ZNF154: variants seen among roughly 807,000 people sequenced by gnomAD.
ZNF154 encodes the protein zinc finger protein 154 (pHZ-92).
Under a neutral mutation model 7.5 loss-of-function variants are expected in ZNF154, and 6 were observed. The ratio of observed to expected loss-of-function variants is 0.80; its 90% CI spans 0.44 to 1.57. The LOEUF (loss-of-function observed/expected upper bound fraction) is 1.57. ZNF154 is among the 40% of genes most tolerant of loss of function. The probability of loss-of-function intolerance (pLI) is 0.01; values close to 1 mark genes in which losing one functional copy is unlikely to be tolerated. For missense variants in ZNF154, 485 were observed against 531.4 expected, an observed-to-expected ratio of 0.91 and a Z score of 0.86; for synonymous variants, 187 against 185.9, an observed-to-expected ratio of 1.01 and a Z score of -0.05.
rs34169428 is a variant in ZNF154 at position 57,702,374 on chromosome 19, C to T, written c.575G>A (p.Arg192Gln). The T allele has an allele frequency of 6.2e-4, 1,006 of 1,612,740 alleles. 7 individuals carry two copies. In the African/African-American group the frequency reaches 0.011, roughly 18 times the overall value. ...TTGCCTAAAGGACTTCCCACACTCT[C>T]GACATTCATAAGGCTTTTCTCCAGT... is the stretch of plus-strand genomic sequence containing the variant. ...LHTGEKPYEC[R>Q]ECGKSFRQSS... Residue 192 changes from arginine (R) to glutamine (Q), a missense_variant, in exon 3 of 3, where the codon CGA becomes CAA. Coordinates refer to ENST00000684351, the MANE Select transcript of ZNF154 (RefSeq NM_001085384.3).
rs1015625555 is a variant in ZNF154 at position 57,700,436 on chromosome 19, C to G, written c.*1199G>C. 4 of 152,228 alleles carry G rather than the reference C, an allele frequency of 2.6e-5. No homozygotes were observed. The highest frequency in any genetic ancestry group is 5.9e-5 in the Non-Finnish European group (4 of 68,048). 9.4% of individuals were successfully genotyped at this position (152,228 alleles called of 1,614,324 possible). A position where few individuals can be genotyped will look rare whatever the true frequency, so the allele number is the denominator to read the frequency against. On this transcript the variant is annotated 3_prime_UTR_variant, in exon 3 of 3. Coordinates refer to ENST00000684351, the MANE Select transcript of ZNF154 (RefSeq NM_001085384.3). ...GCCATAATAACGAACATCATGGAAA[C>G]CTCTGTAAAAGGGGCACATTCTATT...
chr19:57,705,854 G>T (rs1344033021), intron 1 of ZNF154, among the ~76,000 whole-genome samples: 1 of 152,106 alleles, frequency 6.6e-6, no homozygotes, highest in Non-Finnish European at 1.5e-5. Flanking sequence ...GTCACATGGG[G>T]GTCTAGTCCA....
At position 57,707,523 on chromosome 19, in the gene ZNF154, C is replaced by T. The variant is rs78273589; in HGVS notation, c.33+1416G>A. Reference sequence around the variant, plus strand: ...TACCCTGGACTGGCTGTAGCTTCCACTCTGATCTTCTTTCCTCTTCCCTCA... The same window carrying T: ...TACCCTGGACTGGCTGTAGCTTCCATTCTGATCTTCTTTCCTCTTCCCTCA... On this transcript the variant is annotated intron_variant, in intron 1 of 2. Coordinates refer to ENST00000684351, the MANE Select transcript of ZNF154 (RefSeq NM_001085384.3). Among the ~76,000 whole-genome samples the T allele has an allele frequency of 4.7e-3, 711 of 152,304 alleles. 5 individuals are homozygous for T. Among genetic ancestry groups the T allele is most frequent in the African/African-American group, 0.015 (642 of 41,570 alleles).
At position 57,699,215 on chromosome 19, in the gene ZNF154, G is replaced by C. The variant is rs1235787720; in HGVS notation, c.*2420C>G. The C allele has an allele frequency of 6.5e-6, 1 of 153,450 alleles. No homozygotes were observed. Among genetic ancestry groups the C allele is most frequent in the East Asian group, 1.9e-4 (1 of 5,276 alleles). 9.5% of individuals were successfully genotyped at this position (153,450 alleles called of 1,614,324 possible). A position where few individuals can be genotyped will look rare whatever the true frequency, so the allele number is the denominator to read the frequency against. On this transcript the variant is annotated 3_prime_UTR_variant, in exon 3 of 3. Coordinates refer to ENST00000684351, the MANE Select transcript of ZNF154 (RefSeq NM_001085384.3). ...TGATTCTCCTGCCTCAGCCTCCCAA[G>C]TAGCTGGGACTACAGGCACATGCCA...
chr19:57,704,105 C>T (rs1464701711), intron 2 of ZNF154, among the ~76,000 whole-genome samples: 1 of 152,110 alleles, frequency 6.6e-6, no homozygotes, highest in African/African-American at 2.4e-5. Context: ...AGATAAGATA[C>T]GGAGTCCAGA....
intron 1 of ZNF154, among the ~76,000 whole-genome samples, chr19:57,706,974 G>A (rs1235532457): frequency 2.0e-5 from 3 of 152,124 alleles, no homozygotes; most frequent in African/African-American, 4.8e-5. Flanking sequence ...TTAGCCGGGC[G>A]TGGTGGCGCA....
chr19:57,702,211 C>G lies in ZNF154; in HGVS notation c.738G>C (p.Glu246Asp). Residue 246 changes from glutamate to aspartate, a missense_variant, in exon 3 of 3, where the codon GAG becomes GAC. By Grantham distance (45) the Glu-to-Asp change is conservative. Coordinates refer to ENST00000684351, the MANE Select transcript of ZNF154 (RefSeq NM_001085384.3). ...TAAAGGATTTCCCACATTCACTGCACTCATATGGCCTTTCCCCAGTGTGAA... is the reference window on the plus strand; with the variant it reads ...TAAAGGATTTCCCACATTCACTGCAGTCATATGGCCTTTCCCCAGTGTGAA... ...RRVHTGERPY[E>D]CSECGKSFSQ... 9 of 1,614,002 alleles carry G rather than the reference C, an allele frequency of 5.6e-6. No homozygotes were observed. Among genetic ancestry groups the G allele is most frequent in the Non-Finnish European group, 7.6e-6 (9 of 1,179,996 alleles).
chr19:57,696,459 C>T lies in ZNF154; in HGVS notation c.*5176G>A, dbSNP rs1984899590. ...GATCCCAGAGAGTACTGTGAGCACT[C>T]CTATTCCACAAACATAAAACTGAGG... is the stretch of plus-strand genomic sequence containing the variant. On this transcript the variant is annotated 3_prime_UTR_variant, in exon 3 of 3. Transcript: ENST00000684351. Among the ~76,000 whole-genome samples, 1 of 152,158 alleles carries T rather than the reference C, an allele frequency of 6.6e-6. No individual in the cohort carries two copies. Among genetic ancestry groups the T allele is most frequent in the African/African-American group, 2.4e-5 (1 of 41,428 alleles).
chr19:57,704,840 A>G lies in ZNF154; in HGVS notation c.160+13T>C. 1 of 1,609,054 alleles carries G rather than the reference A, an allele frequency of 6.2e-7. No homozygotes were observed. ...ACTAGCTCAGGGCACAGGAAAGGGT[A>G]AAAGAACCTTACCTAGAGAGGTTAA... On this transcript the variant is annotated intron_variant, in intron 2 of 2. Transcript: ENST00000684351.
At chr19:57,707,194 C>T (rs944467273) in intron 1 of ZNF154, among the ~76,000 whole-genome samples, 3 of 151,696 alleles carry the variant, frequency 2.0e-5, no homozygotes, top group Admixed American at 1.3e-4. Flanking sequence ...ATGACCACCA[C>T]ATTTTGGATG....
chr19:57,709,086 C>T lies in ZNF154; in HGVS notation c.-115G>A, dbSNP rs1985525585. 5 of 1,428,168 alleles carry T rather than the reference C, an allele frequency of 3.5e-6. No homozygotes were observed. Among genetic ancestry groups the T allele is most frequent in the Admixed American group, 2.0e-5 (1 of 49,504 alleles). The allele number at this position is 1,428,168 out of a possible 1,614,324, so 88.5% of individuals were successfully genotyped here. On this transcript the variant is annotated 5_prime_UTR_variant, in exon 1 of 3. Coordinates refer to ENST00000684351, the MANE Select transcript of ZNF154 (RefSeq NM_001085384.3). ...GTCCCCCAGGGCGGCGTCGCCAAGG[C>T]TTAGACGCTTTCGTGCAGGAGGGAC...
chr19:57,702,016 G>C lies in ZNF154; in HGVS notation c.933C>G (p.Ser311Arg). The part of the protein sequence containing the change: ...YECSECGKSF[S>R]QNSSLIEHHR... ...GGTGTTCAATGAGGCTAGAGTTTTGGCTAAATGACTTCCCACATTCGCTGC... is the reference window on the plus strand; with the variant it reads ...GGTGTTCAATGAGGCTAGAGTTTTGCCTAAATGACTTCCCACATTCGCTGC... Residue 311 changes from serine (S) to arginine (R), a missense_variant, in exon 3 of 3, where the codon AGC becomes AGG. Ser to Arg is a moderately radical substitution (Grantham distance 110). Transcript: ENST00000684351. 1 of 1,613,496 alleles carries C rather than the reference G, an allele frequency of 6.2e-7. No homozygotes were observed. The highest frequency in any genetic ancestry group is 8.5e-7 in the Non-Finnish European group (1 of 1,179,952).
chr19:57,702,339 G>C lies in ZNF154; in HGVS notation c.610C>G (p.Leu204Val). ...CGKSFRQSSS[L>V]IQHRRVHTAV... ...GTGTGAACTCTCCGGTGCTGAATGA[G>C]ACTAGAGCTTTGCCTAAAGGACTTC... The change falls in exon 3 of 3, where the codon CTC becomes GTC. Residue 204 changes from leucine (L) to valine (V), a missense_variant. Physicochemically the swap from Leu to Val is conservative, Grantham distance 32. Coordinates refer to ENST00000684351, the MANE Select transcript of ZNF154 (RefSeq NM_001085384.3). 1 of 1,612,904 alleles carries C rather than the reference G, an allele frequency of 6.2e-7. No individual in the cohort carries two copies. Among genetic ancestry groups the C allele is most frequent in the Non-Finnish European group, 8.5e-7 (1 of 1,178,986 alleles).
In ZNF154 at chr19:57,701,672, G is replaced by C; in HGVS notation, c.1277C>G (p.Ser426Cys). The change falls in exon 3 of 3, where the codon TCC becomes TGC. Residue 426 changes from serine to cysteine, a missense_variant. By Grantham distance (112) the Ser-to-Cys change is moderately radical (BLOSUM62 -1). Coordinates refer to ENST00000684351, the MANE Select transcript of ZNF154 (RefSeq NM_001085384.3). The stretch of plus-strand genomic sequence containing the variant: ...AATTCTCTGATGTTTAATAAGGCTG[G>C]AGTTATGGCTAAAGGATTTCCCACA... The part of the protein sequence containing the change: ...TECGKSFSHN[S>C]SLIKHQRIHS... The C allele has an allele frequency of 6.2e-7, 1 of 1,613,804 alleles. No individual in the cohort carries two copies. Among genetic ancestry groups the C allele is most frequent in the South Asian group, 1.1e-5 (1 of 91,080 alleles).
chr19:57,703,436 G>T (rs1985263712), intron 2 of ZNF154, among the ~76,000 whole-genome samples: 1 of 125,776 alleles, frequency 8.0e-6, no homozygotes, highest in South Asian at 2.5e-4. Context: ...AGCGAGCCAA[G>T]ATTGCACCAC....
chr19:57,704,814 G>T, intron 2 of ZNF154, 39 bp downstream of exon 2: 1 of 1,598,578 alleles, frequency 6.3e-7, no homozygotes, highest in Non-Finnish European at 8.5e-7. Flanking sequence ...GAAGGGCACA[G>T]ACTAGCTCAG....
rs1985086227 is a variant in ZNF154, at chr19:57,700,642, TGAACAAGA to T, written c.*985_*992del. 1 of 152,248 alleles carries T rather than the reference TGAACAAGA, an allele frequency of 6.6e-6. No homozygotes were observed. Among genetic ancestry groups the T allele is most frequent in the South Asian group, 2.1e-4 (1 of 4,830 alleles). 9.4% of individuals were successfully genotyped at this position (152,248 alleles called of 1,614,324 possible). ...ACTGAACACGATGCAGTATTCCTTGTGAACAAGAGAACAATTTCATGTTGCTTTCAGAA... is the reference window on the plus strand; with the variant it reads ...ACTGAACACGATGCAGTATTCCTTGTGAACAATTTCATGTTGCTTTCAGAA... On this transcript the variant is annotated 3_prime_UTR_variant, in exon 3 of 3. Transcript: ENST00000684351.
intron 2 of ZNF154, 94 bp downstream of exon 2, chr19:57,704,759 A>G (rs1233208400): frequency 6.7e-7 from 1 of 1,493,356 alleles, no homozygotes; most frequent in Non-Finnish European, 9.0e-7. Flanking sequence ...AGCAGAGCCC[A>G]TAGTCTTGTC....
chr19:57,705,959 A>T (rs1279031661), intron 1 of ZNF154, among the ~76,000 whole-genome samples: 1 of 152,138 alleles, frequency 6.6e-6, no homozygotes, highest in Non-Finnish European at 1.5e-5. Context: ...CTTGTTTGGA[A>T]AACTCCATGA....
Sources: allele counts gnomAD v4.1 joint callset (sites outside exome capture counted in the v4.1 genomes callset), GRCh38; gene constraint gnomAD v4.1.1; transcripts MANE v1.5; gene names NCBI Gene and HGNC (gene_info 2026-07-23, HGNC 2026-07-21).